ZNF845: variants seen among roughly 807,000 people sequenced by gnomAD.
ZNF845 encodes zinc finger protein 845.
In ZNF845, 59 loss-of-function variants were observed where a neutral mutation model predicts 76.1. That is an observed-to-expected ratio of 0.78 (90% confidence interval 0.63 to 0.96). The LOEUF (loss-of-function observed/expected upper bound fraction) is 0.96, where lower values mean the gene tolerates loss of function less well. ZNF845 is among the 40% of genes least tolerant of loss of function. The pLI is 0.00. For synonymous variants in ZNF845, 361 were observed against 386.9 expected (o/e 0.93, Z 0.78); for missense variants, 1,045 against 1,172.8 (o/e 0.89, Z 1.59).
intron 3 of ZNF845, 74 bp downstream of exon 3, chr19:53,345,706 A>G (rs962280702): frequency 6.3e-7 from 1 of 1,599,124 alleles, no homozygotes; most frequent in African/African-American, 1.4e-5. Flanking sequence ...TTTTAGATAC[A>G]ATGTCTTGCT....
At chr19:53,337,488 C>A (rs969362983) in intron 1 of ZNF845, among the ~76,000 whole-genome samples, 5 of 152,172 alleles carry the variant, frequency 3.3e-5, no homozygotes, top group Non-Finnish European at 4.4e-5. Flanking sequence ...TCAAGCAATT[C>A]TTCTGCCTCA....
rs1315950354 is a variant in ZNF845, at chr19:53,353,738, A to C, written c.*150A>C. On this transcript the variant is annotated 3_prime_UTR_variant, in exon 4 of 4. Coordinates refer to ENST00000458035, the MANE Select transcript of ZNF845 (RefSeq NM_138374.3). The stretch of plus-strand genomic sequence containing the variant: ...CCTGGCCCAACAAACTAGAAGTCAC[A>C]CTGGAGAGAAACCTTACAAGTGTAC... The C allele has an allele frequency of 6.6e-7, 1 of 1,526,676 alleles. No homozygotes were observed. The highest frequency in any genetic ancestry group is 2.2e-5 in the Admixed American group (1 of 44,752). The allele number at this position is 1,526,676 out of a possible 1,614,324, so 94.6% of individuals were successfully genotyped here. A position where few individuals can be genotyped will look rare whatever the true frequency, so the allele number is the denominator to read the frequency against.
chr19:53,341,106 G>A (rs945744763), intron 1 of ZNF845, 129 bp from the exon 2 acceptor site: 4 of 881,910 alleles, frequency 4.5e-6, no homozygotes, highest in South Asian at 2.0e-5. Context: ...GGAGTTTATC[G>A]TCCCTGGTAC....
chr19:53,356,480 G>A lies in ZNF845; in HGVS notation c.*2892G>A, dbSNP rs1331144557. On this transcript the variant is annotated 3_prime_UTR_variant, in exon 4 of 4. Coordinates refer to ENST00000458035, the MANE Select transcript of ZNF845 (RefSeq NM_138374.3). ...TTGAAGCAGGGATTTTGAGGCTGAA[G>A]TGAGCCCTGATCTCACCACTGCACT... 1.3e-5 allele frequency: 2 copies of A among 152,312 alleles called. No individual in the cohort carries two copies. Among genetic ancestry groups the A allele is most frequent in the African/African-American group, 4.8e-5 (2 of 41,418 alleles). 9.4% of individuals were successfully genotyped at this position (152,312 alleles called of 1,614,324 possible). A position where few individuals can be genotyped will look rare whatever the true frequency, so the allele number is the denominator to read the frequency against.
chr19:53,343,773 T>G (rs1392266341), intron 2 of ZNF845, among the ~76,000 whole-genome samples: 1 of 152,186 alleles, frequency 6.6e-6, no homozygotes, highest in African/African-American at 2.4e-5. Context: ...TTTGTGGACA[T>G]ATGTATATAT....
At position 53,339,161 on chromosome 19, in the gene ZNF845, G is replaced by A. The variant is rs1568733620; in HGVS notation, c.-73-2074G>A. 4.6e-5 allele frequency among the ~76,000 whole-genome samples: 7 copies of A among 152,164 alleles called. No individual in the cohort carries two copies. The South Asian group carries it at 1.5e-3, about 32-fold the overall frequency. On this transcript the variant is annotated intron_variant, in intron 1 of 3. Transcript: ENST00000458035. ...AGCACAAATATTTTTTCCACAAAGA[G>A]GGGCCACTGGTTCCTGGGAAGGGAG...
intron 1 of ZNF845, among the ~76,000 whole-genome samples, chr19:53,339,389 GA>G (rs1466004017): frequency 6.6e-6 from 1 of 152,136 alleles, no homozygotes; most frequent in East Asian, 1.9e-4. Context: ...GTCTTCTCTA[GA>G]ATGACAAAGT....
At position 53,351,480 on chromosome 19, in the gene ZNF845, A is replaced by C. The variant is rs2085335100; in HGVS notation, c.805A>C (p.Lys269Gln). The C allele has an allele frequency of 3.7e-6, 6 of 1,614,264 alleles. No homozygotes were observed. Among genetic ancestry groups the C allele is most frequent in the Non-Finnish European group, 5.1e-6 (6 of 1,180,042 alleles). The change falls in exon 4 of 4, where the codon AAA becomes CAA. Residue 269 changes from lysine (K) to glutamine (Q), a missense_variant. By Grantham distance (53) the Lys-to-Gln change is moderately conservative. Coordinates refer to ENST00000458035, the MANE Select transcript of ZNF845 (RefSeq NM_138374.3). ...ACHRRCHTGKKPYKCNDCGKT... is the reference protein window; with the variant it reads ...ACHRRCHTGKQPYKCNDCGKT... ...TCATCGTAGATGTCACACTGGCAAG[A>C]AACCTTACAAGTGTAATGATTGTGG...
intron 1 of ZNF845, among the ~76,000 whole-genome samples, chr19:53,336,756 G>T (rs2162890): frequency 0.11 from 15,975 of 148,254 alleles, 1,000 homozygotes; most frequent in Admixed American, 0.2. Context: ...AGCTCACATT[G>T]TTCAGTTATT....
Position 53,354,264 on chromosome 19 carries a change from G to T in ZNF845, c.*676G>T. On this transcript the variant is annotated 3_prime_UTR_variant, in exon 4 of 4. Transcript: ENST00000458035. Reference sequence around the variant, plus strand: ...TTGAGATGATTGTTCCAAATGCAATGAGTATAGCAAACCATCAAGCATTAA... The same window carrying T: ...TTGAGATGATTGTTCCAAATGCAATTAGTATAGCAAACCATCAAGCATTAA... 2.1e-6 allele frequency: 1 copy of T among 467,576 alleles called. No homozygotes were observed. Among genetic ancestry groups the T allele is most frequent in the South Asian group, 1.6e-5 (1 of 60,980 alleles). 29.0% of individuals were successfully genotyped at this position (467,576 alleles called of 1,614,324 possible). A position where few individuals can be genotyped will look rare whatever the true frequency, so the allele number is the denominator to read the frequency against.
At chr19:53,347,283 T>C (rs2085303209) in intron 3 of ZNF845, among the ~76,000 whole-genome samples, 1 of 151,658 alleles carries the variant, frequency 6.6e-6, no homozygotes, top group Admixed American at 6.6e-5. Flanking sequence ...TTCTTTTTTT[T>C]TTTTTTCTTT....
At position 53,356,251 on chromosome 19, in the gene ZNF845, G is replaced by T. The variant is rs569920452; in HGVS notation, c.*2663G>T. The T allele has an allele frequency of 6.6e-6, 1 of 152,078 alleles. No individual in the cohort carries two copies. Among genetic ancestry groups the T allele is most frequent in the Non-Finnish European group, 1.5e-5 (1 of 68,026 alleles). 9.4% of individuals were successfully genotyped at this position (152,078 alleles called of 1,614,324 possible). On this transcript the variant is annotated 3_prime_UTR_variant, in exon 4 of 4. Transcript: ENST00000458035. ...AAACAAGAAGAAACATCAAATTTACGATGAGACCAGACGCAGTGGCTCAGG... is the reference window on the plus strand; with the variant it reads ...AAACAAGAAGAAACATCAAATTTACTATGAGACCAGACGCAGTGGCTCAGG...
intron 1 of ZNF845, among the ~76,000 whole-genome samples, chr19:53,338,129 C>T (rs756616809): frequency 4.4e-4 from 67 of 152,168 alleles, no homozygotes; most frequent in Non-Finnish European, 6.2e-4. Context: ...GATGCTGAGG[C>T]GTCTTCAGGG....
chr19:53,344,604 A>ATCTATTTTATTTTATTTTATTTTAT (rs2085280140), intron 2 of ZNF845, among the ~76,000 whole-genome samples: 1 of 126,908 alleles, frequency 7.9e-6, no homozygotes, highest in Non-Finnish European at 1.6e-5. Flanking sequence ...ATTTTATTTT[A>ATCTATTTTATTTTATTTTATTTTAT]TTTATTTTAT....
chr19:53,350,146 A>T (rs1042376563), intron 3 of ZNF845, among the ~76,000 whole-genome samples: 1 of 118,650 alleles, frequency 8.4e-6, no homozygotes, highest in East Asian at 2.2e-4. Context: ...TAACTTTTTA[A>T]TTTTTTTTTC....
chr19:53,349,510 T>C (rs771131717), intron 3 of ZNF845, among the ~76,000 whole-genome samples: 5 of 151,282 alleles, frequency 3.3e-5, no homozygotes, highest in East Asian at 2.0e-4. Flanking sequence ...CCTCATGATC[T>C]GCCCGCCTCA....
rs749586365 is a variant in ZNF845, at chr19:53,353,302, G to A, written c.2627G>A (p.Arg876His). The A allele has an allele frequency of 2.5e-5, 41 of 1,613,074 alleles. No homozygotes were observed. The highest frequency in any genetic ancestry group is 3.3e-4 in the Middle Eastern group (2 of 6,070). The change falls in exon 4 of 4, where the codon CGT becomes CAT. Residue 876 changes from arginine (R) to histidine (H), a missense_variant. Coordinates refer to ENST00000458035, the MANE Select transcript of ZNF845 (RefSeq NM_138374.3). ...KVFNRKANLS[R>H]HHRLHTGEKP... is the part of the protein sequence containing the mutation. Reference sequence around the variant, plus strand: ...TTTAATAGAAAAGCAAACCTTTCACGTCATCATAGACTTCATACTGGAGAG... The same window carrying A: ...TTTAATAGAAAAGCAAACCTTTCACATCATCATAGACTTCATACTGGAGAG...
In ZNF845 at chr19:53,335,227, C is replaced by G. The variant is rs148511400; in HGVS notation, c.-74+1435C>G. Among the ~76,000 whole-genome samples the G allele has an allele frequency of 2.0e-5, 3 of 152,142 alleles. No individual in the cohort carries two copies. In the East Asian group the frequency reaches 5.8e-4, roughly 29 times the overall value. On this transcript the variant is annotated intron_variant, in intron 1 of 3. Coordinates refer to ENST00000458035, the MANE Select transcript of ZNF845 (RefSeq NM_138374.3). Reference sequence around the variant, plus strand: ...GGGCAGTGAAGTGGGAGAAAAAAATCACTTTCTGTTATTATGTAATAATTT... The same window carrying G: ...GGGCAGTGAAGTGGGAGAAAAAAATGACTTTCTGTTATTATGTAATAATTT...
At chr19:53,349,525 C>A (rs2085319649) in intron 3 of ZNF845, among the ~76,000 whole-genome samples, 1 of 151,990 alleles carries the variant, frequency 6.6e-6, no homozygotes, top group African/African-American at 2.4e-5. Context: ...GCCTCAGCCT[C>A]CCAAAGTGTT....
Sources: allele counts gnomAD v4.1 joint callset (sites outside exome capture counted in the v4.1 genomes callset), GRCh38; gene constraint gnomAD v4.1.1; transcripts MANE v1.5; gene names NCBI Gene and HGNC (gene_info 2026-07-23, HGNC 2026-07-21).